ARID4B: variants seen among roughly 807,000 people sequenced by gnomAD.
The protein encoded by ARID4B is AT-rich interactive domain-containing protein 4B.
In ARID4B, 26 loss-of-function variants were observed where a neutral mutation model predicts 147.5. The ratio of observed to expected loss-of-function variants is 0.18; its 90% CI spans 0.13 to 0.24. The LOEUF (loss-of-function observed/expected upper bound fraction) is 0.24. Ranked by LOEUF, ARID4B falls within the 10% of genes least tolerant of loss-of-function variation. The probability of loss-of-function intolerance (pLI) is 1.00; values close to 1 mark genes in which losing one functional copy is unlikely to be tolerated. For missense variants in ARID4B, 1,179 were observed against 1,511.5 expected, an observed-to-expected ratio of 0.78 and a Z score of 3.65; for synonymous variants, 512 against 507.9, an observed-to-expected ratio of 1.01 and a Z score of -0.11.
Position 235,298,525 on chromosome 1 carries a change from TTA to T in ARID4B, c.6+28387_6+28388del, listed in dbSNP as rs1307872599. Reference sequence around the variant, plus strand: ...CCATATATATGAATATAACGTATATTTATATATATCCATATATATGAATACAA... The same window carrying T: ...CCATATATATGAATATAACGTATATTTATATATCCATATATATGAATACAA... On this transcript the variant is annotated intron_variant, in intron 2 of 23. Transcript: ENST00000264183. 4.0e-5 allele frequency among the ~76,000 whole-genome samples: 6 copies of T among 148,488 alleles called. No homozygotes were observed. In the Middle Eastern group the frequency reaches 0.018, roughly 442 times the overall value.
intron 21 of ARID4B, among the ~76,000 whole-genome samples, chr1:235,177,236 A>G (rs1169819136): frequency 6.6e-6 from 1 of 152,262 alleles, no homozygotes; most frequent in African/African-American, 2.4e-5. Context: ...TGTAGTTGAA[A>G]TATTTCACAA....
chr1:235,323,000 T>A (rs1488377755), intron 2 of ARID4B, among the ~76,000 whole-genome samples: 1 of 151,806 alleles, frequency 6.6e-6, no homozygotes, highest in Admixed American at 6.6e-5. Context: ...GAAAAGTACA[T>A]CTGGAAAATT....
intron 2 of ARID4B, among the ~76,000 whole-genome samples, chr1:235,321,605 G>A (rs6682991): frequency 0.29 from 44,503 of 151,236 alleles, 7,659 homozygotes; most frequent in South Asian, 0.53. Context: ...TCCCAGGTTC[G>A]CACCATTCTC....
intron 16 of ARID4B, among the ~76,000 whole-genome samples, chr1:235,219,456 T>C (rs1468936503): frequency 2.0e-5 from 3 of 152,176 alleles, no homozygotes; most frequent in African/African-American, 7.2e-5. Context: ...ACTCTCAGAA[T>C]CTATAGCCAA....
At chr1:235,308,908 A>C (rs1673792617) in intron 2 of ARID4B, among the ~76,000 whole-genome samples, 1 of 151,886 alleles carries the variant, frequency 6.6e-6, no homozygotes, top group African/African-American at 2.4e-5. Flanking sequence ...CCATCTGGGA[A>C]GTGAGGAGCG....
intron 7 of ARID4B, 29 bp from the exon 8 acceptor site, chr1:235,240,480 C>T (rs759044622): frequency 6.9e-6 from 11 of 1,594,294 alleles, no homozygotes; most frequent in Non-Finnish European, 9.4e-6. Context: ...AAAATATTTC[C>T]ATTTATCCTC....
At position 235,313,294 on chromosome 1, in the gene ARID4B, T is replaced by G. The variant is rs1393765846; in HGVS notation, c.6+13620A>C. Among the ~76,000 whole-genome samples the G allele has an allele frequency of 3.9e-5, 6 of 152,184 alleles. No homozygotes were observed. In the South Asian group the frequency reaches 1.0e-3, roughly 26 times the overall value. ...ATCTGCCAGCCTCAAACGCCCAAAG[T>G]GCTAGGATTACGGGCATGACCCACC... On this transcript the variant is annotated intron_variant, in intron 2 of 23. Transcript: ENST00000264183.
intron 3 of ARID4B, among the ~76,000 whole-genome samples, chr1:235,258,752 C>T (rs542344342): frequency 2.6e-5 from 4 of 152,308 alleles, no homozygotes; most frequent in African/African-American, 7.2e-5. Context: ...ATTTCTGTGT[C>T]ATACAAAAGC....
At chr1:235,240,921 T>G (rs894435907) in intron 7 of ARID4B, among the ~76,000 whole-genome samples, 1 of 152,176 alleles carries the variant, frequency 6.6e-6, no homozygotes, top group Admixed American at 6.5e-5. Flanking sequence ...TGAAAAGAGA[T>G]CACCACTGCT....
At chr1:235,273,273 A>C (rs2103151964) in intron 2 of ARID4B, among the ~76,000 whole-genome samples, 1 of 152,214 alleles carries the variant, frequency 6.6e-6, no homozygotes, top group South Asian at 2.1e-4. Context: ...CGAACTCCTG[A>C]CCTCAGATGA....
At chr1:235,319,277 T>C (rs1334321936) in intron 2 of ARID4B, among the ~76,000 whole-genome samples, 4 of 152,138 alleles carry the variant, frequency 2.6e-5, no homozygotes, top group African/African-American at 7.2e-5. Flanking sequence ...AACACTTTGG[T>C]AGGCCAAGAT....
intron 18 of ARID4B, among the ~76,000 whole-genome samples, chr1:235,195,798 A>G (rs1416697846): frequency 6.6e-6 from 1 of 152,170 alleles, no homozygotes; most frequent in African/African-American, 2.4e-5. Context: ...ATAGATAAAT[A>G]AAATCTGGTT....
intron 23 of ARID4B, among the ~76,000 whole-genome samples, chr1:235,171,235 C>T (rs1047244753): frequency 1.3e-5 from 2 of 151,916 alleles, no homozygotes; most frequent in Non-Finnish European, 2.9e-5. Context: ...ATCGAGCCAT[C>T]CTGCATCCTG....
intron 20 of ARID4B, among the ~76,000 whole-genome samples, chr1:235,179,208 T>C (rs1664101948): frequency 6.6e-6 from 1 of 152,128 alleles, no homozygotes; most frequent in Non-Finnish European, 1.5e-5. Flanking sequence ...AGTAAATTTA[T>C]TAAAATGTGG....
intron 8 of ARID4B, among the ~76,000 whole-genome samples, chr1:235,239,790 T>C (rs1446539462): frequency 6.6e-6 from 1 of 152,160 alleles, no homozygotes. Context: ...ATCTAAGGAA[T>C]TGCAATCTTT....
At chr1:235,310,149 G>T (rs1673942044) in intron 2 of ARID4B, among the ~76,000 whole-genome samples, 1 of 151,030 alleles carries the variant, frequency 6.6e-6, no homozygotes, top group Non-Finnish European at 1.5e-5. Context: ...ATCCCCCTCT[G>T]TGAGAAACAC....
intron 2 of ARID4B, among the ~76,000 whole-genome samples, chr1:235,324,617 CCTT>C (rs1675092582): frequency 6.6e-6 from 1 of 152,162 alleles, no homozygotes; most frequent in South Asian, 2.1e-4. Context: ...TGGCATAAAA[CCTT>C]CTGTAGCTCA....
chr1:235,200,050 G>A (rs1665783551), intron 17 of ARID4B, among the ~76,000 whole-genome samples: 1 of 151,684 alleles, frequency 6.6e-6, no homozygotes, highest in Non-Finnish European at 1.5e-5. Flanking sequence ...CGGGCACGGT[G>A]GCTCACACCT....
intron 2 of ARID4B, among the ~76,000 whole-genome samples, chr1:235,297,275 C>T (rs114322960): frequency 0.011 from 1,706 of 151,986 alleles, 37 homozygotes; most frequent in African/African-American, 0.039. Flanking sequence ...CATAAAAATC[C>T]CTAACACTAA....
Sources: allele counts gnomAD v4.1 joint callset (sites outside exome capture counted in the v4.1 genomes callset), GRCh38; gene constraint gnomAD v4.1.1; transcripts MANE v1.5; gene names NCBI Gene and HGNC (gene_info 2026-07-23, HGNC 2026-07-21).